The following ARID4A variants were observed in gnomAD, a reference collection of about 807,000 sequenced individuals.
ARID4A encodes AT-rich interaction domain 4A.
A neutral mutation model predicts 148.6 loss-of-function variants in ARID4A; 39 were observed. That is an observed-to-expected ratio of 0.26 (90% confidence interval 0.20 to 0.34). ARID4A has a LOEUF of 0.34. Ranked by LOEUF, ARID4A falls within the 10% of genes least tolerant of loss-of-function variation. The pLI is 1.00. For synonymous variants in ARID4A, 475 were observed against 481.2 expected (o/e 0.99, Z 0.17); for missense variants, 1,265 against 1,449.1 (o/e 0.87, Z 2.06).
chr14:58,340,236 C>T (rs888658369), intron 11 of ARID4A, among the ~76,000 whole-genome samples: 5 of 150,978 alleles, frequency 3.3e-5, no homozygotes, highest in African/African-American at 4.9e-5. Flanking sequence ...TCTTCTTCTT[C>T]TTTTTTGGGA....
intron 15 of ARID4A, 101 bp from the exon 16 acceptor site, chr14:58,350,972 G>A: frequency 7.9e-7 from 1 of 1,267,712 alleles, no homozygotes; most frequent in Non-Finnish European, 1.1e-6. Context: ...CACGTTTCAA[G>A]CCAGAGACAT....
rs62621193 is a variant in ARID4A, at chr14:58,365,301, G to T, written c.3211+1G>T. On this transcript the variant is annotated splice_donor_variant, in intron 20 of 23. Transcript: ENST00000355431. LOFTEE classifies it high-confidence loss of function. ...CAAGAGAGAGAGAGCAGAGAGAAGG[G>T]TAAGGACTTTCTAGGGAAAAGTAAG... 2.5e-6 allele frequency: 4 copies of T among 1,600,554 alleles called. No homozygotes were observed. The highest frequency in any genetic ancestry group is 3.4e-6 in the Non-Finnish European group (4 of 1,174,594).
intron 3 of ARID4A, chr14:58,303,469 C>T (rs2031356764): frequency 2.2e-6 from 1 of 457,482 alleles, no homozygotes; most frequent in South Asian, 1.6e-5. Flanking sequence ...AAATTATTGT[C>T]ATTGGTATTG....
intron 3 of ARID4A, among the ~76,000 whole-genome samples, chr14:58,303,205 T>G (rs1440156957): frequency 6.6e-6 from 1 of 152,180 alleles, no homozygotes; most frequent in Non-Finnish European, 1.5e-5. Flanking sequence ...ATGGGCTACA[T>G]AGTCATGTTT....
At position 58,361,057 on chromosome 14, in the gene ARID4A, C is replaced by T. The variant is rs756890915; in HGVS notation, c.2080+15C>T. The T allele has an allele frequency of 1.7e-5, 27 of 1,611,550 alleles. No individual in the cohort carries two copies. Among genetic ancestry groups the T allele is most frequent in the Non-Finnish European group, 2.1e-5 (25 of 1,178,958 alleles). On this transcript the variant is annotated intron_variant, in intron 19 of 23. Coordinates refer to ENST00000355431, the MANE Select transcript of ARID4A (RefSeq NM_002892.4). ...AGGAAAATCAGGTACCAGAAGTGCT[C>T]GCAGCAATATACCAGACAGCTCACC...
intron 13 of ARID4A, 61 bp downstream of exon 13, chr14:58,346,566 T>C (rs558741850): frequency 7.4e-5 from 79 of 1,071,212 alleles, no homozygotes; most frequent in Non-Finnish European, 2.0e-5. Flanking sequence ...AGTTATCTTA[T>C]ATTGCATTAT....
chr14:58,322,033 C>A (rs1052504798), intron 7 of ARID4A, among the ~76,000 whole-genome samples: 1 of 151,558 alleles, frequency 6.6e-6, no homozygotes, highest in African/African-American at 2.4e-5. Flanking sequence ...TGTAGTGGTG[C>A]GATCTTGGCT....
chr14:58,354,093 T>C (rs577083280), intron 17 of ARID4A, among the ~76,000 whole-genome samples: 1 of 152,284 alleles, frequency 6.6e-6, no homozygotes, highest in South Asian at 2.1e-4. Flanking sequence ...TACTCATTTA[T>C]AGTGAGGGAG....
At chr14:58,305,352 C>T (rs2031521746) in intron 4 of ARID4A, among the ~76,000 whole-genome samples, 2 of 152,198 alleles carry the variant, frequency 1.3e-5, no homozygotes, top group Admixed American at 1.3e-4. Flanking sequence ...GTATCATAAC[C>T]ATCAATCTTT....
At chr14:58,359,058 T>G in intron 17 of ARID4A, 74 bp from the exon 18 acceptor site, 6 of 1,445,336 alleles carry the variant, frequency 4.2e-6, no homozygotes, top group Middle Eastern at 2.5e-4. Flanking sequence ...TGTTTTCGTT[T>G]GGTGAATACA....
In ARID4A at chr14:58,364,857, A is replaced by G; in HGVS notation, c.2768A>G (p.Gln923Arg). The change falls in exon 20 of 24, where the codon CAA (glutamine) becomes CGA (arginine). Residue 923 changes from glutamine to arginine, a missense_variant. By Grantham distance (43) the Gln-to-Arg change is conservative. Coordinates refer to ENST00000355431, the MANE Select transcript of ARID4A (RefSeq NM_002892.4). Reference protein sequence around the residue: ...SLIAESNQCIQQLTSERFDSP... With the variant: ...SLIAESNQCIRQLTSERFDSP... ...ATAGCAGAGTCAAACCAATGCATCC[A>G]ACAACTGACTAGTGAAAGATTTGAT... 1 of 1,614,174 alleles carries G rather than the reference A, an allele frequency of 6.2e-7. No individual in the cohort carries two copies. Among genetic ancestry groups the G allele is most frequent in the Non-Finnish European group, 8.5e-7 (1 of 1,180,024 alleles).
chr14:58,302,648 A>G (rs933500704), intron 3 of ARID4A, among the ~76,000 whole-genome samples: 1 of 152,120 alleles, frequency 6.6e-6, no homozygotes, highest in Non-Finnish European at 1.5e-5. Context: ...ACAGAGGGAG[A>G]CTAAAAATAT....
chr14:58,342,634 C>T (rs1283320454), intron 11 of ARID4A, among the ~76,000 whole-genome samples: 1 of 152,092 alleles, frequency 6.6e-6, no homozygotes, highest in Non-Finnish European at 1.5e-5. Context: ...GGAATGAGGC[C>T]TGGTATAGTG....
chr14:58,329,579 G>A lies in ARID4A; in HGVS notation c.714G>A (p.Pro238=), dbSNP rs754012092. 3.9e-5 allele frequency: 63 copies of A among 1,606,254 alleles called. No homozygotes were observed. The highest frequency in any genetic ancestry group is 1.8e-4 in the Admixed American group (11 of 59,956). ...AGGAAGTAGACATTCTCAATCTACCGGAATCTGAGCTCTCCACTAAACCAG... is the reference window on the plus strand; with the variant it reads ...AGGAAGTAGACATTCTCAATCTACCAGAATCTGAGCTCTCCACTAAACCAG... The part of the protein sequence containing the change: ...DIKEVDILNL[P]ESELSTKPGL... Residue 238 remains proline, a synonymous_variant, in exon 10 of 24, where the codon CCG becomes CCA. Transcript: ENST00000355431.
intron 15 of ARID4A, among the ~76,000 whole-genome samples, chr14:58,348,682 A>G (rs1791204827): frequency 6.6e-6 from 1 of 152,210 alleles, no homozygotes; most frequent in African/African-American, 2.4e-5. Flanking sequence ...TTTAATTACT[A>G]TGTCTTATTT....
intron 7 of ARID4A, among the ~76,000 whole-genome samples, chr14:58,319,059 G>C (rs188476140): frequency 3.3e-5 from 5 of 151,982 alleles, no homozygotes; most frequent in African/African-American, 9.6e-5. Context: ...GTTTTGTTTT[G>C]TTTTTGATTT....
At chr14:58,304,565 G>T (rs1448659589) in intron 3 of ARID4A, among the ~76,000 whole-genome samples, 1 of 152,078 alleles carries the variant, frequency 6.6e-6, no homozygotes, top group Non-Finnish European at 1.5e-5. Context: ...TTTCATATAG[G>T]CAATACAGTT....
intron 11 of ARID4A, among the ~76,000 whole-genome samples, chr14:58,336,452 T>C (rs2033819589): frequency 6.6e-6 from 1 of 152,250 alleles, no homozygotes; most frequent in African/African-American, 2.4e-5. Flanking sequence ...GACTTACTAT[T>C]TGTTTTGTTT....
chr14:58,351,398 C>G (rs2034633420), intron 16 of ARID4A, 75 bp downstream of exon 16: 1 of 1,522,896 alleles, frequency 6.6e-7, no homozygotes, highest in South Asian at 1.3e-5. Context: ...CTTAGAGATT[C>G]AGGTTTGAGG....
Sources: gnomAD v4.1 joint callset for allele counts (sites outside exome capture counted in the v4.1 genomes callset) on GRCh38, gnomAD v4.1.1 for gene constraint, MANE v1.5 for transcripts, NCBI Gene and HGNC (gene_info 2026-07-23, HGNC 2026-07-21) for gene names.